Variants in OPHN1 observed in about 807,000 individuals in gnomAD.
OPHN1 encodes the protein oligophrenin 1, also known as oligophrenin-1.
A neutral mutation model predicts 60.7 loss-of-function variants in OPHN1; 11 were observed. The ratio of observed to expected loss-of-function variants is 0.18; its 90% CI spans 0.11 to 0.30. The LOEUF (loss-of-function observed/expected upper bound fraction) is 0.30. Ranked by LOEUF, OPHN1 falls within the 10% of genes least tolerant of loss-of-function variation. OPHN1 has a pLI of 1.00. For missense variants in OPHN1, 449 were observed against 611.0 expected (o/e 0.73, Z 2.80); for synonymous variants, 226 against 222.6 (o/e 1.02, Z -0.14).
At chrX:68,139,015 C>T (rs963669908) in intron 15 of OPHN1, among the ~76,000 whole-genome samples, 5 of 111,795 alleles carry the variant, frequency 4.5e-5, no homozygotes, top group African/African-American at 1.3e-4. Flanking sequence ...ACTGATTAAG[C>T]GTCTAGATCA....
intron 20 of OPHN1, among the ~76,000 whole-genome samples, chrX:68,068,661 C>CA (rs1419487952): frequency 2.7e-5 from 3 of 110,192 alleles, no homozygotes; most frequent in Non-Finnish European, 5.7e-5. Context: ...TTATAATAAC[C>CA]AAAAAATGAA....
intron 5 of OPHN1, among the ~76,000 whole-genome samples, chrX:68,251,559 T>C (rs1039199665): frequency 1.7e-4 from 19 of 111,738 alleles, no homozygotes; most frequent in Non-Finnish European, 3.2e-4. Flanking sequence ...TTCCAGTCTT[T>C]ACTGATTCAA....
chrX:68,305,241 G>A lies in OPHN1; in HGVS notation c.155-6145C>T, dbSNP rs186757349. On this transcript the variant is annotated intron_variant, in intron 2 of 24. Transcript: ENST00000355520. ...GAAAAAATAAAAATAAAAAATAGCC[G>A]GGTGACGTAGTGTATGCCTGTGGTC... Among the ~76,000 whole-genome samples, 126 of 110,544 alleles carry A rather than the reference G, an allele frequency of 1.1e-3. 1 individual carries two copies. The highest frequency in any genetic ancestry group is 3.9e-3 in the African/African-American group (120 of 30,460).
In OPHN1 at chrX:68,111,883, C is replaced by T. The variant is rs1263244907; in HGVS notation, c.1497G>A (p.Met499Ile). The change falls in exon 18 of 25, where the codon ATG becomes ATA. Residue 499 changes from methionine (M) to isoleucine (I), a missense_variant. By Grantham distance (10) the Met-to-Ile change is conservative. This residue lies in a region of OPHN1 where 166 missense variants were observed against 278.4 expected (regional missense o/e 0.60). Coordinates refer to ENST00000355520, the MANE Select transcript of OPHN1 (RefSeq NM_002547.3). ...VYKLPEKNRE[M>I]LELLIRHLVN... is the part of the protein sequence containing the mutation. Reference sequence around the variant, plus strand: ...CCAAGTGTCTTATCAGAAGTTCCAGCATCTCTCGGTTCTTTTCTGGTAGCT... The same window carrying T: ...CCAAGTGTCTTATCAGAAGTTCCAGTATCTCTCGGTTCTTTTCTGGTAGCT... 5 of 1,203,629 alleles carry T rather than the reference C, an allele frequency of 4.2e-6. No homozygotes were observed. The highest frequency in any genetic ancestry group is 5.6e-6 in the Non-Finnish European group (5 of 890,002).
intron 10 of OPHN1, among the ~76,000 whole-genome samples, chrX:68,204,671 A>C (rs2077550277): frequency 8.9e-6 from 1 of 111,976 alleles, no homozygotes; most frequent in Non-Finnish European, 1.9e-5. Flanking sequence ...CCTTGTGAGT[A>C]ACTAAGTTCT....
At chrX:68,430,642 G>A (rs986832644) in intron 2 of OPHN1, among the ~76,000 whole-genome samples, 10 of 110,610 alleles carry the variant, frequency 9.0e-5, no homozygotes, top group African/African-American at 3.3e-4. Context: ...GGCTAACGTG[G>A]TGAAACCCCA....
chrX:68,387,107 C>T (rs777032996), intron 2 of OPHN1, among the ~76,000 whole-genome samples: 3 of 111,492 alleles, frequency 2.7e-5, no homozygotes, highest in Admixed American at 1.9e-4. Context: ...TTGTTTTATT[C>T]ATTTCAAATA....
chrX:68,171,299 G>C (rs1036689011), intron 15 of OPHN1, among the ~76,000 whole-genome samples: 1 of 110,404 alleles, frequency 9.1e-6, no homozygotes, highest in Non-Finnish European at 1.9e-5. Context: ...TTAAAAAAAT[G>C]AAAACATATA....
chrX:68,312,870 C>A (rs1399102293), intron 2 of OPHN1, among the ~76,000 whole-genome samples: 1 of 111,000 alleles, frequency 9.0e-6, no homozygotes, highest in African/African-American at 3.3e-5. Context: ...TTTAGAGAGG[C>A]CAAGGCAGGA....
At chrX:68,204,932 G>A (rs188378108) in intron 10 of OPHN1, among the ~76,000 whole-genome samples, 4 of 111,877 alleles carry the variant, frequency 3.6e-5, no homozygotes, top group African/African-American at 1.3e-4. Flanking sequence ...TTTCCTCTCC[G>A]GTATTTGAAA....
intron 6 of OPHN1, 82 bp from the exon 7 acceptor site, chrX:68,214,054 G>C (rs2077597375): frequency 2.6e-5 from 15 of 571,365 alleles, no homozygotes; most frequent in Non-Finnish European, 4.5e-5. Context: ...CAGAATGCTA[G>C]AGCTAGATGA....
chrX:68,197,036 C>T (rs2147462109), intron 12 of OPHN1, 150 bp downstream of exon 12: 3 of 492,151 alleles, frequency 6.1e-6, no homozygotes, highest in South Asian at 6.0e-5. Context: ...GCCTTACCTG[C>T]TAAGAGATGT....
chrX:68,253,103 A>G (rs1198282192), intron 5 of OPHN1, among the ~76,000 whole-genome samples: 1 of 112,111 alleles, frequency 8.9e-6, no homozygotes, highest in Non-Finnish European at 1.9e-5. Flanking sequence ...TTGGCTTAGT[A>G]GTTTATTAAA....
chrX:68,230,968 CA>C (rs1041647664), intron 6 of OPHN1, among the ~76,000 whole-genome samples: 5 of 109,526 alleles, frequency 4.6e-5, no homozygotes, highest in African/African-American at 1.7e-4. Flanking sequence ...TCAACAAAAC[CA>C]AAAAGCTGGT....
chrX:68,208,705 A>C (rs1377272639), intron 9 of OPHN1, among the ~76,000 whole-genome samples: 1 of 112,069 alleles, frequency 8.9e-6, no homozygotes. Context: ...GAAGCACAGA[A>C]GGATCACACA....
intron 15 of OPHN1, among the ~76,000 whole-genome samples, chrX:68,123,334 GTA>G (rs1360441360): frequency 8.9e-6 from 1 of 111,897 alleles, no homozygotes. Context: ...GCTAAAGAGA[GTA>G]CTTCATTCAG....
chrX:68,207,672 G>A (rs190808913), intron 9 of OPHN1, among the ~76,000 whole-genome samples: 1 of 110,390 alleles, frequency 9.1e-6, no homozygotes, highest in African/African-American at 3.3e-5. Context: ...ACACTCCTTA[G>A]CCTGCCTACA....
At chrX:68,102,642 G>A (rs746193348) in intron 18 of OPHN1, among the ~76,000 whole-genome samples, 28 of 110,831 alleles carry the variant, frequency 2.5e-4, no homozygotes, top group African/African-American at 8.9e-4. Flanking sequence ...GACTAATAAA[G>A]AAGAAAAGAG....
intron 21 of OPHN1, among the ~76,000 whole-genome samples, chrX:68,054,635 G>GA (rs945188514): frequency 2.1e-4 from 23 of 110,392 alleles, no homozygotes; most frequent in African/African-American, 6.6e-4. Context: ...CATCTTATCA[G>GA]AAAAAAAATC....
Sources: gnomAD v4.1 joint callset for allele counts (sites outside exome capture counted in the v4.1 genomes callset) on GRCh38, gnomAD v4.1.1 for gene constraint, gnomAD v4.1.1 regional missense constraint, MANE v1.5 for transcripts, NCBI Gene and HGNC (gene_info 2026-07-23, HGNC 2026-07-21) for gene names.